POTEE: variants seen among roughly 807,000 people sequenced by gnomAD.
The protein encoded by POTEE is ANKRD26-like family C member 1A.
POTEE carries 21 observed loss-of-function variants against 74.2 expected under a neutral mutation model. The observed-to-expected ratio is 0.28, with a 90% CI of 0.20 to 0.41. The LOEUF is 0.41. Ranked by LOEUF, POTEE falls within the 10% of genes least tolerant of loss-of-function variation. POTEE has a pLI of 1.00. For synonymous variants in POTEE, 211 were observed against 432.8 expected (o/e 0.49, Z 6.36); for missense variants, 525 against 1,158.6 (o/e 0.45, Z 7.94).
intron 2 of POTEE, among the ~76,000 whole-genome samples, chr2:131,216,368 T>C (rs1241870418): frequency 6.6e-6 from 1 of 152,234 alleles, no homozygotes; most frequent in Non-Finnish European, 1.5e-5. Flanking sequence ...CAAAAGATGC[T>C]GAAAAACCAA....
At position 131,218,898 on chromosome 2, in the gene POTEE, G is replaced by A. The variant is rs746254653; in HGVS notation, c.496G>A (p.Val166Met). The A allele has an allele frequency of 7.0e-5, 113 of 1,613,256 alleles. No homozygotes were observed. In the East Asian group the frequency reaches 2.3e-3, roughly 32 times the overall value. Residue 166 changes from valine to methionine, a missense_variant, in exon 4 of 18, where the codon GTG (valine) becomes ATG (methionine). Val to Met is a conservative substitution (Grantham distance 21). Coordinates refer to ENST00000683005, the MANE Select transcript of POTEE (RefSeq NM_001083538.3). ...CATCGTCATGCTCAGGGACACTGAC[G>A]TGAACAAGAAGGACAAGCAAAAGAG... ...DLIVMLRDTD[V>M]NKKDKQKRTA...
At chr2:131,225,397 GACA>G (rs1474365041) in intron 6 of POTEE, among the ~76,000 whole-genome samples, 6 of 149,310 alleles carry the variant, frequency 4.0e-5, no homozygotes, top group African/African-American at 9.9e-5. Context: ...CAACAACAAC[GACA>G]ACAACAACAA....
chr2:131,229,693 T>C (rs1022206006), intron 8 of POTEE: 3 of 152,198 alleles, frequency 2.0e-5, no homozygotes, highest in Non-Finnish European at 4.4e-5. Flanking sequence ...AGCACAGATC[T>C]TTGAAGCATT....
intron 1 of POTEE, among the ~76,000 whole-genome samples, 185 bp downstream of exon 1, chr2:131,210,004 G>A (rs1199774456): frequency 2.5e-5 from 3 of 121,754 alleles, no homozygotes; most frequent in Non-Finnish European, 5.2e-5. Context: ...TGCCCGTGGT[G>A]GCGGGGGTGG....
intron 8 of POTEE, chr2:131,229,618 G>A (rs998350579): frequency 1.3e-5 from 2 of 152,162 alleles, no homozygotes; most frequent in Non-Finnish European, 2.9e-5. Context: ...TGCTTGCTTC[G>A]GCGGCACATA....
intron 7 of POTEE, among the ~76,000 whole-genome samples, chr2:131,227,378 G>A (rs527912712): frequency 1.3e-4 from 19 of 148,392 alleles, no homozygotes; most frequent in Admixed American, 5.3e-4. Context: ...GCTTTAAGTT[G>A]CTTTCTTTGA....
intron 10 of POTEE, among the ~76,000 whole-genome samples, chr2:131,237,590 T>C (rs565141808): frequency 2.8e-4 from 43 of 151,436 alleles, no homozygotes; most frequent in African/African-American, 1.0e-3. Context: ...AGAACTGGAC[T>C]TACGCAGATA....
intron 4 of POTEE, among the ~76,000 whole-genome samples, chr2:131,222,348 A>T (rs1470353491): frequency 1.3e-5 from 2 of 152,224 alleles, no homozygotes; most frequent in African/African-American, 4.8e-5. Flanking sequence ...TATAGGTGGG[A>T]GCTAAATGGT....
At chr2:131,214,889 G>A (rs1433445970) in intron 2 of POTEE, among the ~76,000 whole-genome samples, 1 of 148,230 alleles carries the variant, frequency 6.7e-6, no homozygotes, top group Non-Finnish European at 1.5e-5. Flanking sequence ...AGCTATGCTG[G>A]AAGGAGTCAG....
At chr2:131,235,733 G>C (rs1393848728) in intron 9 of POTEE, among the ~76,000 whole-genome samples, 1 of 140,916 alleles carries the variant, frequency 7.1e-6, no homozygotes, top group Non-Finnish European at 1.5e-5. Context: ...GTCAGAGGTT[G>C]CAGTGAGCTG....
At chr2:131,233,124 A>G (rs1243525507) in intron 9 of POTEE, among the ~76,000 whole-genome samples, 1 of 152,150 alleles carries the variant, frequency 6.6e-6, no homozygotes, top group African/African-American at 2.4e-5. Context: ...TGTGTGCTGC[A>G]GGGGCTCATT....
intron 9 of POTEE, among the ~76,000 whole-genome samples, chr2:131,235,890 T>G (rs1028296987): frequency 1.3e-5 from 2 of 150,856 alleles, no homozygotes; most frequent in Non-Finnish European, 3.0e-5. Context: ...TGTACACTAA[T>G]AAAGGTGTCA....
At position 131,263,722 on chromosome 2, in the gene POTEE, A is replaced by G; in HGVS notation, c.2267A>G (p.Lys756Arg). Reference protein sequence around the residue: ...GMHQKESYVGKEAQSKRGILT... With the variant: ...GMHQKESYVGREAQSKRGILT... Reference sequence around the variant, plus strand: ...CATCAGAAAGAGTCCTATGTGGGCAAGGAGGCCCAGAGCAAGAGAGGCATC... The same window carrying G: ...CATCAGAAAGAGTCCTATGTGGGCAGGGAGGCCCAGAGCAAGAGAGGCATC... Residue 756 changes from lysine to arginine, a missense_variant, in exon 18 of 18, where the codon AAG becomes AGG. Coordinates refer to ENST00000683005, the MANE Select transcript of POTEE (RefSeq NM_001083538.3). 1.9e-6 allele frequency: 3 copies of G among 1,611,078 alleles called. No individual in the cohort carries two copies. Among genetic ancestry groups the G allele is most frequent in the Non-Finnish European group, 2.5e-6 (3 of 1,179,532 alleles).
chr2:131,224,156 A>G, intron 6 of POTEE, 113 bp downstream of exon 6: 1 of 1,450,952 alleles, frequency 6.9e-7, no homozygotes, highest in South Asian at 1.4e-5. Context: ...CTGAATGAAA[A>G]TATTTTGAAA....
chr2:131,213,586 G>A (rs1253748502), intron 2 of POTEE, among the ~76,000 whole-genome samples: 4 of 149,818 alleles, frequency 2.7e-5, no homozygotes, highest in Admixed American at 6.7e-5. Flanking sequence ...TTGATGGGGT[G>A]CAGTTTTGTA....
At chr2:131,211,212 G>A (rs1022797633) in intron 2 of POTEE, among the ~76,000 whole-genome samples, 29 bp downstream of exon 2, 9 of 151,996 alleles carry the variant, frequency 5.9e-5, no homozygotes, top group Admixed American at 3.3e-4. Flanking sequence ...GGGCAAGGTG[G>A]TAGGAACCTT....
intron 9 of POTEE, among the ~76,000 whole-genome samples, chr2:131,236,158 G>A (rs1701126985): frequency 6.6e-6 from 1 of 152,134 alleles, no homozygotes; most frequent in African/African-American, 2.4e-5. Context: ...TGCATTGAAG[G>A]ACAACAGGAA....
rs997800456 is a variant in POTEE at position 131,221,276 on chromosome 2, T to C, written c.522-2320T>C. On this transcript the variant is annotated intron_variant, in intron 4 of 17. Coordinates refer to ENST00000683005, the MANE Select transcript of POTEE (RefSeq NM_001083538.3). ...AGTGCATCCATAGGATGGACTAATA[T>C]GTAACTATTGAGGTTGTCAGTAGAT... Among the ~76,000 whole-genome samples the C allele has an allele frequency of 3.5e-4, 53 of 152,268 alleles. 1 individual carries two copies. The highest frequency in any genetic ancestry group is 1.3e-3 in the African/African-American group (52 of 41,556).
At chr2:131,262,299 TG>T (rs1329492995) in intron 17 of POTEE, among the ~76,000 whole-genome samples, 1 of 131,324 alleles carries the variant, frequency 7.6e-6, no homozygotes, top group Admixed American at 8.7e-5. Flanking sequence ...AGGAACAGTT[TG>T]CTCCAAGTAG....
Sources: gnomAD v4.1 joint callset for allele counts (sites outside exome capture counted in the v4.1 genomes callset) on GRCh38, gnomAD v4.1.1 for gene constraint, MANE v1.5 for transcripts, NCBI Gene and HGNC (gene_info 2026-07-23, HGNC 2026-07-21) for gene names.